KMT2C: variants seen among roughly 807,000 people sequenced by gnomAD.
The protein encoded by KMT2C is lysine methyltransferase 2C, also known as histone-lysine N-methyltransferase 2C.
KMT2C carries 88 observed loss-of-function variants against 507.9 expected under a neutral mutation model. The observed-to-expected ratio is 0.17, with a 90% CI of 0.15 to 0.21. The LOEUF is 0.21. KMT2C is among the 10% of genes least tolerant of loss of function. The pLI is 1.00. For missense variants in KMT2C, 4,954 were observed against 5,957.8 expected, an observed-to-expected ratio of 0.83 and a Z score of 5.55; for synonymous variants, 2,049 against 2,080.8, an observed-to-expected ratio of 0.98 and a Z score of 0.42.
intron 2 of KMT2C, among the ~76,000 whole-genome samples, chr7:152,343,578 A>G (rs1364125890): frequency 6.6e-6 from 1 of 152,134 alleles, no homozygotes; most frequent in Non-Finnish European, 1.5e-5. Context: ...AATCTCAGAA[A>G]CCAAATGACA....
In KMT2C at chr7:152,385,877, C is replaced by T. The variant is rs182038357; in HGVS notation, c.162-27202G>A. 2.1e-4 allele frequency among the ~76,000 whole-genome samples: 32 copies of T among 151,794 alleles called. No individual in the cohort carries two copies. In the East Asian group the frequency reaches 6.2e-3, roughly 29 times the overall value. ...CTGAGGCGGGTGAATCACCTGAGGT[C>T]AGGAGTTCAAGACCAGCCTGGCAAA... On this transcript the variant is annotated intron_variant, in intron 1 of 58. Coordinates refer to ENST00000262189, the MANE Select transcript of KMT2C (RefSeq NM_170606.3).
chr7:152,181,822 C>T lies in KMT2C; in HGVS notation c.6038G>A (p.Arg2013Lys), dbSNP rs573962770. 1.8e-5 allele frequency: 29 copies of T among 1,614,028 alleles called. No homozygotes were observed. Among genetic ancestry groups the T allele is most frequent in the Middle Eastern group, 1.6e-4 (1 of 6,062 alleles). Residue 2013 changes from arginine (R) to lysine (K), a missense_variant, in exon 36 of 59, where the codon AGG becomes AAG. Transcript: ENST00000262189. ...CCTTTGTCTTTGAAACACATCTGCCCTAGGAGATGGTTTAGTAAAGTGATC... is the reference window on the plus strand; with the variant it reads ...CCTTTGTCTTTGAAACACATCTGCCTTAGGAGATGGTTTAGTAAAGTGATC... ...TSDHFTKPSP[R>K]ADVFQRQRIP... is the part of the protein sequence containing the mutation.
chr7:152,187,751 A>G lies in KMT2C; in HGVS notation c.4757T>C (p.Phe1586Ser), dbSNP rs1207163214. 1 of 1,614,132 alleles carries G rather than the reference A, an allele frequency of 6.2e-7. No homozygotes were observed. The highest frequency in any genetic ancestry group is 1.3e-5 in the African/African-American group (1 of 75,052). The change falls in exon 32 of 59, where the codon TTC (phenylalanine) becomes TCC (serine). Residue 1586 changes from phenylalanine (F) to serine (S), a missense_variant. Transcript: ENST00000262189. Reference protein sequence around the residue: ...SLPPGSGLGTFSAIAQSSYPD... With the variant: ...SLPPGSGLGTSSAIAQSSYPD... ...ATAAGAGGATTGTGCAATTGCAGAG[A>G]AAGTTCCCAGTCCGCTTCCAGGTGG...
intron 9 of KMT2C, among the ~76,000 whole-genome samples, chr7:152,260,280 A>G (rs2095746985): frequency 1.3e-5 from 2 of 152,210 alleles, no homozygotes; most frequent in East Asian, 3.8e-4. Context: ...TCAAAAGAGA[A>G]TAGCAGATTA....
intron 6 of KMT2C, among the ~76,000 whole-genome samples, chr7:152,302,245 G>T (rs929256595): frequency 2.0e-5 from 3 of 151,602 alleles, no homozygotes; most frequent in Non-Finnish European, 4.4e-5. Context: ...AAAACACCTG[G>T]TTTTTTTTGA....
chr7:152,141,590 G>A (rs558171685), intron 55 of KMT2C, among the ~76,000 whole-genome samples: 4 of 150,534 alleles, frequency 2.7e-5, no homozygotes, highest in Admixed American at 2.7e-4. Context: ...GTACACACCT[G>A]TAGTCCCAGT....
rs746018833 is a variant in KMT2C, at chr7:152,178,015, TAAAAAAAAAAAAA to T, written c.7443-18_7443-6del. 3.0e-3 allele frequency: 2,420 copies of T among 811,108 alleles called. 48 individuals carry two copies. The African/African-American group carries it at 0.052, about 17-fold the overall frequency. 50.2% of individuals were successfully genotyped at this position (811,108 alleles called of 1,614,324 possible). The stretch of plus-strand genomic sequence containing the variant: ...CTACCTCCTGGAAATCCAAATCTTT[TAAAAAAAAAAAAA>T]AAAAAAAAAAAAAAGCAAATAGGTA... On this transcript the variant is annotated splice_polypyrimidine_tract_variant and splice_region_variant and intron_variant, in intron 37 of 58. Coordinates refer to ENST00000262189, the MANE Select transcript of KMT2C (RefSeq NM_170606.3).
In KMT2C at chr7:152,194,462, T is replaced by C. The variant is rs754506246; in HGVS notation, c.4485A>G (p.Glu1495=). The change falls in exon 29 of 59, where the codon GAA becomes GAG. Residue 1495 remains glutamate (E), a synonymous_variant. Coordinates refer to ENST00000262189, the MANE Select transcript of KMT2C (RefSeq NM_170606.3). ...TACCATCTGTGACCATTTTGTCTAG[T>C]TCAGGACTGAGGATCCCATCTAGCT... ...EEQLDGILSP[E]LDKMVTDGAI... is the part of the protein sequence containing the mutation. The C allele has an allele frequency of 3.3e-5, 53 of 1,613,552 alleles. No individual in the cohort carries two copies. Among genetic ancestry groups the C allele is most frequent in the Middle Eastern group, 3.3e-4 (2 of 6,080 alleles).
chr7:152,411,384 G>GC (rs1417348157), intron 1 of KMT2C, among the ~76,000 whole-genome samples: 9 of 151,910 alleles, frequency 5.9e-5, no homozygotes, highest in South Asian at 4.2e-4. Flanking sequence ...TCATGGCAGG[G>GC]CCCACACAAG....
At chr7:152,254,143 C>T (rs952933882) in intron 9 of KMT2C, among the ~76,000 whole-genome samples, 1 of 151,874 alleles carries the variant, frequency 6.6e-6, no homozygotes, top group African/African-American at 2.4e-5. Flanking sequence ...TAGCTGGGCA[C>T]GGTGGCACAG....
chr7:152,394,043 T>C (rs542603345), intron 1 of KMT2C, among the ~76,000 whole-genome samples: 2 of 152,266 alleles, frequency 1.3e-5, no homozygotes, highest in African/African-American at 4.8e-5. Context: ...TTTTCTCACA[T>C]GCCACATCCC....
At chr7:152,282,480 C>A (rs2096235750) in intron 6 of KMT2C, among the ~76,000 whole-genome samples, 1 of 149,638 alleles carries the variant, frequency 6.7e-6, no homozygotes, top group Non-Finnish European at 1.5e-5. Flanking sequence ...GTACTCTTAA[C>A]AACAGAATAC....
intron 7 of KMT2C, 147 bp from the exon 8 acceptor site, chr7:152,265,356 A>C: frequency 8.8e-7 from 1 of 1,138,198 alleles, no homozygotes; most frequent in African/African-American, 1.6e-5. Flanking sequence ...AATCAGAAAG[A>C]GGTACCAATA....
At chr7:152,345,403 C>T (rs943356989) in intron 2 of KMT2C, among the ~76,000 whole-genome samples, 12 of 152,180 alleles carry the variant, frequency 7.9e-5, no homozygotes, top group Non-Finnish European at 1.5e-4. Flanking sequence ...GATGGCACCA[C>T]TGCACTCCAA....
chr7:152,159,216 C>T (rs576770542), intron 43 of KMT2C, 144 bp from the exon 44 acceptor site: 16 of 677,948 alleles, frequency 2.4e-5, no homozygotes, highest in Non-Finnish European at 3.3e-5. Context: ...GGTGTCAATG[C>T]TGGTTTTCCA....
intron 1 of KMT2C, among the ~76,000 whole-genome samples, chr7:152,388,878 A>ATACT (rs2097460301): frequency 6.6e-6 from 1 of 151,970 alleles, no homozygotes; most frequent in South Asian, 2.1e-4. Context: ...CCTCCCAAGT[A>ATACT]GCTGGGATTA....
intron 6 of KMT2C, among the ~76,000 whole-genome samples, chr7:152,292,317 A>G (rs2096440847): frequency 6.6e-6 from 1 of 152,164 alleles, no homozygotes; most frequent in African/African-American, 2.4e-5. Flanking sequence ...TGCCAGGGCA[A>G]TATGTGTGGC....
chr7:152,346,486 T>C (rs1176536100), intron 2 of KMT2C, among the ~76,000 whole-genome samples: 1 of 152,056 alleles, frequency 6.6e-6, no homozygotes, highest in African/African-American at 2.4e-5. Flanking sequence ...AAATAACACA[T>C]AGGTCAAAGA....
At position 152,224,476 on chromosome 7, in the gene KMT2C, A is replaced by T. The variant is rs1489866993; in HGVS notation, c.3117T>A (p.Pro1039=). The part of the protein sequence containing the change: ...DISYHTYCLD[P]PLQTVPKGGW... ...CTCCTTTGGGAACTGTCTGCAATGG[A>T]GGGTCTAGGCAGTAGGTGTGATAAC... The change falls in exon 19 of 59, where the codon CCT becomes CCA. Residue 1039 remains proline, a synonymous_variant. Transcript: ENST00000262189. 1.2e-6 allele frequency: 2 copies of T among 1,611,952 alleles called. No individual in the cohort carries two copies. The highest frequency in any genetic ancestry group is 2.2e-5 in the South Asian group (2 of 90,992).
Sources: allele counts gnomAD v4.1 joint callset (sites outside exome capture counted in the v4.1 genomes callset), GRCh38; gene constraint gnomAD v4.1.1; transcripts MANE v1.5; gene names NCBI Gene and HGNC (gene_info 2026-07-23, HGNC 2026-07-21).